Variants in DYSF observed in about 807,000 individuals in gnomAD.
DYSF encodes dysferlin, also known as dystrophy-associated fer-1-like 1.
DYSF carries 212 observed loss-of-function variants against 274.9 expected under a neutral mutation model. That is an observed-to-expected ratio of 0.77 (90% confidence interval 0.69 to 0.86). The LOEUF is 0.86. DYSF is among the 40% of genes least tolerant of loss of function. The pLI, the probability that DYSF is intolerant of heterozygous loss-of-function variation, is 0.00. For synonymous variants in DYSF, 1,091 were observed against 1,078.7 expected (o/e 1.01, Z -0.22); for missense variants, 2,666 against 2,783.2 (o/e 0.96, Z 0.95).
At chr2:71,669,325 C>G in intron 50 of DYSF, 118 bp downstream of exon 50, 1 of 983,744 alleles carries the variant, frequency 1.0e-6, no homozygotes, top group Non-Finnish European at 1.6e-6. Flanking sequence ...AAACTTCCAA[C>G]GAGGGCTCCT....
intron 14 of DYSF, among the ~76,000 whole-genome samples, chr2:71,534,448 G>A (rs1176464061): frequency 5.9e-5 from 9 of 152,172 alleles, no homozygotes; most frequent in Admixed American, 4.6e-4. Context: ...GAGGTTTCTT[G>A]TTTGGGAAAA....
chr2:71,519,834 T>C (rs1244039115), intron 10 of DYSF, among the ~76,000 whole-genome samples: 1 of 91,858 alleles, frequency 1.1e-5, no homozygotes, highest in African/African-American at 4.2e-5. Flanking sequence ...TTTTTTTTTT[T>C]GTATTTTTAA....
chr2:71,641,906 G>A (rs1184667043), intron 41 of DYSF, among the ~76,000 whole-genome samples: 1 of 152,070 alleles, frequency 6.6e-6, no homozygotes, highest in Non-Finnish European at 1.5e-5. Flanking sequence ...TTTGCTCTGT[G>A]GCTTTTTTAT....
At chr2:71,636,762 TAG>T (rs1258485922) in intron 41 of DYSF, among the ~76,000 whole-genome samples, 2 of 151,844 alleles carry the variant, frequency 1.3e-5, no homozygotes, top group Non-Finnish European at 2.9e-5. Flanking sequence ...TGAGAGTGGA[TAG>T]AGAGGATGGG....
Position 71,551,673 on chromosome 2 carries a change from G to A in DYSF, c.1759G>A (p.Glu587Lys), listed in dbSNP as rs1445225540. 10 of 1,610,984 alleles carry A rather than the reference G, an allele frequency of 6.2e-6. No individual in the cohort carries two copies. The highest frequency in any genetic ancestry group is 8.5e-6 in the Non-Finnish European group (10 of 1,179,470). ...SLETKLVEHS[E>K]QKVEDLPADD... ...GGAGACCAAGCTGGTGGAGCACAGT[G>A]AACAGAAGGTGGAGGACCTTCCTGC... is the stretch of plus-strand genomic sequence containing the variant. Residue 587 changes from glutamate (E) to lysine (K), a missense_variant, in exon 19 of 56, where the codon GAA becomes AAA. Physicochemically the swap from Glu to Lys is moderately conservative, Grantham distance 56 (BLOSUM62 1). Coordinates refer to ENST00000410020, the MANE Select transcript of DYSF (RefSeq NM_001130987.2).
chr2:71,639,867 G>A (rs1170801665), intron 41 of DYSF, among the ~76,000 whole-genome samples: 1 of 152,156 alleles, frequency 6.6e-6, no homozygotes, highest in Non-Finnish European at 1.5e-5. Flanking sequence ...TTAGCTCTTG[G>A]CCAAGAAGCT....
chr2:71,677,267 G>T (rs998848317), intron 52 of DYSF, among the ~76,000 whole-genome samples: 4 of 152,088 alleles, frequency 2.6e-5, no homozygotes, highest in African/African-American at 9.7e-5. Flanking sequence ...TTTAATGTTC[G>T]GTTATAGTAA....
chr2:71,640,908 T>C (rs1334369798), intron 41 of DYSF, among the ~76,000 whole-genome samples: 1 of 152,212 alleles, frequency 6.6e-6, no homozygotes, highest in Non-Finnish European at 1.5e-5. Flanking sequence ...TCCTGTCTTT[T>C]TTTGGAAGTA....
At position 71,516,256 on chromosome 2, in the gene DYSF, G is replaced by T; in HGVS notation, c.951+14G>T. ...ATCTTTATCACGGTATGTCTCAGCA[G>T]TCAAAGTGTTCTCCGTGGGCTGTAT... is the stretch of plus-strand genomic sequence containing the variant. On this transcript the variant is annotated intron_variant, in intron 9 of 55. Transcript: ENST00000410020. 6.2e-7 allele frequency: 1 copy of T among 1,613,732 alleles called. No homozygotes were observed. Among genetic ancestry groups the T allele is most frequent in the South Asian group, 1.1e-5 (1 of 91,070 alleles).
At chr2:71,588,931 C>T (rs1394945005) in intron 30 of DYSF, among the ~76,000 whole-genome samples, 1 of 152,134 alleles carries the variant, frequency 6.6e-6, no homozygotes, top group East Asian at 1.9e-4. Flanking sequence ...AGTCTTGGTG[C>T]TCCCCAAAGT....
At chr2:71,503,471 G>T in intron 4 of DYSF, 152 bp downstream of exon 4, 2 of 809,474 alleles carry the variant, frequency 2.5e-6, no homozygotes, top group Non-Finnish European at 4.1e-6. Context: ...TGCAGTGTCT[G>T]GAGGGGCACT....
intron 40 of DYSF, among the ~76,000 whole-genome samples, chr2:71,617,434 C>T (rs1245916215): frequency 1.3e-5 from 2 of 152,146 alleles, no homozygotes; most frequent in Non-Finnish European, 2.9e-5. Context: ...GCCTCTGAGG[C>T]GGGTGGGTGA....
chr2:71,563,932 G>A (rs2091934933), intron 23 of DYSF, 126 bp from the exon 24 acceptor site: 2 of 1,360,674 alleles, frequency 1.5e-6, no homozygotes, highest in Non-Finnish European at 2.1e-6. Flanking sequence ...TGGACAGTGT[G>A]TGGGATGGAA....
At chr2:71,637,671 A>G (rs1365835581) in intron 41 of DYSF, among the ~76,000 whole-genome samples, 1 of 152,176 alleles carries the variant, frequency 6.6e-6, no homozygotes, top group East Asian at 1.9e-4. Context: ...GCTGATGTGA[A>G]GTGGAGAAGA....
At chr2:71,642,698 G>A (rs1389058772) in intron 41 of DYSF, among the ~76,000 whole-genome samples, 4 of 152,322 alleles carry the variant, frequency 2.6e-5, no homozygotes, top group Admixed American at 1.3e-4. Context: ...CACACAAGGT[G>A]TGTTAGGACC....
chr2:71,682,588 C>A lies in DYSF; in HGVS notation c.6232C>A (p.Leu2078Met). The A allele has an allele frequency of 1.2e-6, 2 of 1,614,152 alleles. No individual in the cohort carries two copies. Among genetic ancestry groups the A allele is most frequent in the Non-Finnish European group, 1.7e-6 (2 of 1,180,022 alleles). Residue 2078 changes from leucine to methionine, a missense_variant, in exon 55 of 56, where the codon CTG (leucine) becomes ATG (methionine). Transcript: ENST00000410020. The part of the protein sequence containing the change: ...TSPYKTMKFI[L>M]WRRFRWAIIL... ...CCCATACAAGACCATGAAGTTCATC[C>A]TGTGGCGGCGTTTCCGGTGGGCCAT...
chr2:71,472,076 GCAC>G (rs376611115), intron 1 of DYSF, among the ~76,000 whole-genome samples: 372 of 152,196 alleles, frequency 2.4e-3, no homozygotes, highest in African/African-American at 8.5e-3. Context: ...TTATATGGAT[GCAC>G]CATCATTAAT....
chr2:71,623,092 A>G (rs1238116406), intron 41 of DYSF, among the ~76,000 whole-genome samples: 1 of 152,212 alleles, frequency 6.6e-6, no homozygotes, highest in East Asian at 1.9e-4. Flanking sequence ...ATTATAGTTT[A>G]CTACAGTTGC....
chr2:71,674,351 C>A (rs1387400389), intron 52 of DYSF, 55 bp downstream of exon 52: 1 of 1,553,504 alleles, frequency 6.4e-7, no homozygotes, highest in Non-Finnish European at 8.9e-7. Flanking sequence ...CCAGAACCCA[C>A]ACTGTGTGTT....
Sources: allele counts gnomAD v4.1 joint callset (sites outside exome capture counted in the v4.1 genomes callset), GRCh38; gene constraint gnomAD v4.1.1; transcripts MANE v1.5; gene names NCBI Gene and HGNC (gene_info 2026-07-23, HGNC 2026-07-21).